Variants in PTPRK observed in about 807,000 individuals in gnomAD.
PTPRK encodes protein tyrosine phosphatase receptor type K, also known as receptor-type tyrosine-protein phosphatase kappa.
Under a neutral mutation model 178.0 loss-of-function variants are expected in PTPRK, and 75 were observed. That is an observed-to-expected ratio of 0.42 (90% CI 0.35 to 0.51). The LOEUF is 0.51. PTPRK is among the 20% of genes least tolerant of loss of function. PTPRK has a pLI of 0.02. For synonymous variants in PTPRK, 637 were observed against 620.6 expected, an observed-to-expected ratio of 1.03 and a Z score of -0.39; for missense variants, 1,441 against 1,797.8, an observed-to-expected ratio of 0.80 and a Z score of 3.59.
chr6:128,198,169 T>A (rs1172585563), intron 6 of PTPRK, among the ~76,000 whole-genome samples: 1 of 152,216 alleles, frequency 6.6e-6, no homozygotes, highest in African/African-American at 2.4e-5. Flanking sequence ...TATTGTTTTA[T>A]GCCACTAAGT....
rs140093015 is a variant in PTPRK at position 128,152,668 on chromosome 6, G to C, written c.1162+31764C>G. ...GTGCTCATGGAAACAGAAAAACAAG[G>C]AAATGGGTTATCCATTTGGCTAGTT... On this transcript the variant is annotated intron_variant, in intron 7 of 29. Coordinates refer to ENST00000368226, the MANE Select transcript of PTPRK (RefSeq NM_002844.4). 3.4e-3 allele frequency among the ~76,000 whole-genome samples: 511 copies of C among 152,034 alleles called. 4 individuals are homozygous for C. Among genetic ancestry groups the C allele is most frequent in the African/African-American group, 0.012 (494 of 41,482 alleles).
intron 1 of PTPRK, among the ~76,000 whole-genome samples, chr6:128,435,700 C>T (rs908789746): frequency 1.1e-4 from 16 of 152,034 alleles, no homozygotes; most frequent in African/African-American, 3.4e-4. Flanking sequence ...TCTTAAGGGA[C>T]GAATCACAAA....
At chr6:128,471,031 T>C (rs1033561862) in intron 1 of PTPRK, among the ~76,000 whole-genome samples, 3 of 151,710 alleles carry the variant, frequency 2.0e-5, no homozygotes, top group Non-Finnish European at 4.4e-5. Context: ...AGAATCAAAA[T>C]ATTCTTAGAA....
intron 2 of PTPRK, among the ~76,000 whole-genome samples, chr6:128,365,625 A>G (rs989319778): frequency 5.9e-5 from 9 of 152,210 alleles, no homozygotes; most frequent in African/African-American, 2.2e-4. Context: ...GCATAGCTTC[A>G]GCTAATGATA....
Position 128,209,239 on chromosome 6 carries a change from G to T in PTPRK, c.868+9683C>A, listed in dbSNP as rs1038566668. On this transcript the variant is annotated intron_variant, in intron 6 of 29. Coordinates refer to ENST00000368226, the MANE Select transcript of PTPRK (RefSeq NM_002844.4). ...AGTAACCTACTTCAAAACTCCTAAA[G>T]GTTCCCAAATTAAATAACACAATGC... Among the ~76,000 whole-genome samples, 4 of 152,078 alleles carry T rather than the reference G, an allele frequency of 2.6e-5. No homozygotes were observed. In the East Asian group the frequency reaches 7.7e-4, roughly 29 times the overall value.
chr6:128,482,847 C>T (rs1852274493), intron 1 of PTPRK, among the ~76,000 whole-genome samples: 1 of 152,106 alleles, frequency 6.6e-6, no homozygotes, highest in Non-Finnish European at 1.5e-5. Context: ...CTGTCTCTTA[C>T]AAGCAAAGGC....
At chr6:128,460,009 T>C (rs559400649) in intron 1 of PTPRK, among the ~76,000 whole-genome samples, 1 of 151,858 alleles carries the variant, frequency 6.6e-6, no homozygotes, top group Admixed American at 6.6e-5. Context: ...AACAATCAGA[T>C]CTCATGAGAA....
chr6:128,304,236 AAAGTATTT>A (rs1826053480), intron 3 of PTPRK, among the ~76,000 whole-genome samples: 1 of 152,200 alleles, frequency 6.6e-6, no homozygotes, highest in Non-Finnish European at 1.5e-5. Context: ...TTTATGAGAG[AAAGTATTT>A]TAGAATAACT....
chr6:127,999,011 C>A, intron 15 of PTPRK, 107 bp from the exon 16 acceptor site: 1 of 963,056 alleles, frequency 1.0e-6, no homozygotes, highest in Non-Finnish European at 1.5e-6. Flanking sequence ...TTTCTGATAA[C>A]AAGAGGAATT....
At chr6:128,360,106 T>A (rs2128341899) in intron 2 of PTPRK, among the ~76,000 whole-genome samples, 1 of 152,312 alleles carries the variant, frequency 6.6e-6, no homozygotes, top group Admixed American at 6.5e-5. Context: ...CAAGATTTTA[T>A]AACAGAAAAA....
intron 13 of PTPRK, among the ~76,000 whole-genome samples, chr6:128,030,727 T>C (rs1430647055): frequency 6.6e-6 from 1 of 152,312 alleles, no homozygotes; most frequent in South Asian, 2.1e-4. Flanking sequence ...ATTCTCTGTA[T>C]AAAGCTTGTG....
chr6:127,971,719 ATT>A (rs199707783), intron 29 of PTPRK, among the ~76,000 whole-genome samples: 1 of 150,328 alleles, frequency 6.7e-6, no homozygotes, highest in East Asian at 1.9e-4. Context: ...TTAACCATAG[ATT>A]TTTTTTTTAA....
chr6:128,207,676 C>T (rs1386852815), intron 6 of PTPRK, among the ~76,000 whole-genome samples: 1 of 151,998 alleles, frequency 6.6e-6, no homozygotes, highest in African/African-American at 2.4e-5. Context: ...CAATAAAATT[C>T]AAAACCTTAA....
chr6:128,395,432 A>C (rs1045675868), intron 2 of PTPRK, among the ~76,000 whole-genome samples: 3 of 152,202 alleles, frequency 2.0e-5, no homozygotes, highest in African/African-American at 2.4e-5. Context: ...GTGAGCCAAC[A>C]AGGTCATCTG....
chr6:128,318,983 A>C (rs553727050), intron 3 of PTPRK, among the ~76,000 whole-genome samples: 8 of 152,320 alleles, frequency 5.3e-5, no homozygotes, highest in African/African-American at 1.9e-4. Context: ...TAATTAGTAT[A>C]GTAAGCTGAA....
chr6:128,361,169 T>C (rs1834688098), intron 2 of PTPRK, among the ~76,000 whole-genome samples: 2 of 152,152 alleles, frequency 1.3e-5, no homozygotes, highest in Non-Finnish European at 2.9e-5. Flanking sequence ...TTACAAACTC[T>C]ATACTTGGGT....
chr6:128,011,531 C>T (rs1779052329), intron 13 of PTPRK, among the ~76,000 whole-genome samples: 1 of 150,942 alleles, frequency 6.6e-6, no homozygotes, highest in African/African-American at 2.4e-5. Flanking sequence ...CTAATCCCTA[C>T]CAGAAGCAGA....
intron 13 of PTPRK, among the ~76,000 whole-genome samples, chr6:128,034,556 GA>G (rs1323562783): frequency 4.0e-5 from 6 of 151,880 alleles, no homozygotes; most frequent in East Asian, 1.9e-4. Context: ...GATACAGGGG[GA>G]AAAAAATCAA....
In PTPRK at chr6:128,346,126, G is replaced by A. The variant is rs59446773; in HGVS notation, c.224-23816C>T. Among the ~76,000 whole-genome samples the A allele has an allele frequency of 3.9e-3, 594 of 152,184 alleles. 28 individuals carry two copies. The East Asian group carries it at 0.092, about 24-fold the overall frequency. On this transcript the variant is annotated intron_variant, in intron 2 of 29. Coordinates refer to ENST00000368226, the MANE Select transcript of PTPRK (RefSeq NM_002844.4). ...AGCAGGAAAGAAAAGAAGGATACAA[G>A]GATATTATATTACTGATGTCTTCCC... is the stretch of plus-strand genomic sequence containing the variant.
Sources: gnomAD v4.1 joint callset for allele counts (sites outside exome capture counted in the v4.1 genomes callset) on GRCh38, gnomAD v4.1.1 for gene constraint, MANE v1.5 for transcripts, NCBI Gene and HGNC (gene_info 2026-07-23, HGNC 2026-07-21) for gene names.